The following ELMOD2 variants were observed in gnomAD, a reference collection of about 807,000 sequenced individuals.
The protein encoded by ELMOD2 is ELMO domain-containing protein 2.
A neutral mutation model predicts 41.0 loss-of-function variants in ELMOD2; 28 were observed. The ratio of observed to expected loss-of-function variants is 0.68; its 90% CI spans 0.51 to 0.94. ELMOD2 has a LOEUF of 0.94. Ranked by LOEUF, ELMOD2 falls within the 40% of genes least tolerant of loss-of-function variation. The probability of loss-of-function intolerance (pLI) is 0.00; values close to 1 mark genes in which losing one functional copy is unlikely to be tolerated. For missense variants in ELMOD2, 333 were observed against 343.1 expected (o/e 0.97, Z 0.23); for synonymous variants, 106 against 107.2 (o/e 0.99, Z 0.07).
At chr4:140,527,382 A>T in intron 2 of ELMOD2, 84 bp from the exon 3 acceptor site, 1 of 1,046,444 alleles carries the variant, frequency 9.6e-7, no homozygotes, top group Non-Finnish European at 1.4e-6. Flanking sequence ...TACTGGTTTG[A>T]TATTTTTACT....
chr4:140,533,492 T>C (rs1015745403), intron 3 of ELMOD2, among the ~76,000 whole-genome samples: 2 of 152,134 alleles, frequency 1.3e-5, no homozygotes, highest in African/African-American at 4.8e-5. Context: ...TCTCTTACCA[T>C]ACATGAAAAC....
At position 140,552,277 on chromosome 4, in the gene ELMOD2, G is replaced by GT. The variant is rs772161763; in HGVS notation, c.*1903dup. 6 of 152,000 alleles carry GT rather than the reference G, an allele frequency of 3.9e-5. No individual in the cohort carries two copies. Among genetic ancestry groups the GT allele is most frequent in the Non-Finnish European group, 8.8e-5 (6 of 67,920 alleles). 9.4% of individuals were successfully genotyped at this position (152,000 alleles called of 1,614,324 possible). ...TAAGTAAAGAAGGGGAAAATTTTAA[G>GT]TAAGTTTTTTCCCTTCTAGGAAGAA... is the stretch of plus-strand genomic sequence containing the variant. On this transcript the variant is annotated 3_prime_UTR_variant, in exon 9 of 9. Transcript: ENST00000323570.
At chr4:140,540,542 C>G (rs1735073065) in intron 6 of ELMOD2, among the ~76,000 whole-genome samples, 1 of 152,032 alleles carries the variant, frequency 6.6e-6, no homozygotes, top group Non-Finnish European at 1.5e-5. Context: ...TCACTTGAAG[C>G]CAGAAGTTTG....
intron 8 of ELMOD2, among the ~76,000 whole-genome samples, chr4:140,547,092 C>T (rs1203945633): frequency 6.6e-6 from 1 of 152,128 alleles, no homozygotes; most frequent in Admixed American, 6.6e-5. Context: ...CCTGTTCTAA[C>T]TAGAATAATA....
intron 3 of ELMOD2, among the ~76,000 whole-genome samples, chr4:140,530,657 A>G (rs1282789985): frequency 3.3e-5 from 5 of 152,176 alleles, no homozygotes; most frequent in African/African-American, 4.8e-5. Context: ...TGGTCAACAA[A>G]TGGGTAAATA....
chr4:140,536,268 C>G (rs1233150784), intron 4 of ELMOD2, among the ~76,000 whole-genome samples: 1 of 152,198 alleles, frequency 6.6e-6, no homozygotes, highest in East Asian at 1.9e-4. Flanking sequence ...TTGTCCTTCC[C>G]TCTGTAAATT....
Position 140,535,131 on chromosome 4 carries a change from GTTTC to G in ELMOD2, c.172-596_172-593del, listed in dbSNP as rs1203517905. Among the ~76,000 whole-genome samples, 741 of 89,854 alleles carry G rather than the reference GTTTC, an allele frequency of 8.2e-3. 6 individuals carry two copies. The highest frequency in any genetic ancestry group is 0.03 in the Middle Eastern group (5 of 168). 58.9% of individuals were successfully genotyped at this position (89,854 alleles called of 152,430 possible). A position where few individuals can be genotyped will look rare whatever the true frequency, so the allele number is the denominator to read the frequency against. ...CTTTTACTTTTCTCTGGGGAAATCT[GTTTC>G]TTTCTCTCTCTCTCTCTCTCTCTCT... On this transcript the variant is annotated intron_variant, in intron 3 of 8. Coordinates refer to ENST00000323570, the MANE Select transcript of ELMOD2 (RefSeq NM_153702.4).
At chr4:140,528,398 T>C (rs1368528497) in intron 3 of ELMOD2, among the ~76,000 whole-genome samples, 1 of 152,188 alleles carries the variant, frequency 6.6e-6, no homozygotes, top group Non-Finnish European at 1.5e-5. Flanking sequence ...TAGACCATTG[T>C]TTGAAATCCC....
chr4:140,535,469 G>A (rs1324974431), intron 3 of ELMOD2: 2 of 318,518 alleles, frequency 6.3e-6, no homozygotes, highest in African/African-American at 2.2e-5. Flanking sequence ...CAGCTCATTT[G>A]CTGAGAACTC....
intron 3 of ELMOD2, among the ~76,000 whole-genome samples, chr4:140,532,700 A>G (rs1299624381): frequency 3.9e-5 from 6 of 152,302 alleles, no homozygotes; most frequent in Non-Finnish European, 8.8e-5. Context: ...TGCTCACCAC[A>G]TTTAACTGGG....
intron 2 of ELMOD2, chr4:140,526,808 G>C (rs982413442): frequency 1.3e-5 from 2 of 152,232 alleles, no homozygotes; most frequent in African/African-American, 4.8e-5. Flanking sequence ...GTATGGGTTG[G>C]TGTTTTATAG....
In ELMOD2 at chr4:140,552,373, A is replaced by AT. The variant is rs1484957263; in HGVS notation, c.*2001dup. The AT allele has an allele frequency of 9.9e-5, 15 of 152,152 alleles. No homozygotes were observed. The allele number at this position is 152,152 out of a possible 1,614,324, so 9.4% of individuals were successfully genotyped here. On this transcript the variant is annotated 3_prime_UTR_variant, in exon 9 of 9. Coordinates refer to ENST00000323570, the MANE Select transcript of ELMOD2 (RefSeq NM_153702.4). The stretch of plus-strand genomic sequence containing the variant: ...TAATATGTTCTTTAAATCCACCTCC[A>AT]TTTGTACATTATAGGTATCATTCTG...
rs1237623090 is a variant in ELMOD2, at chr4:140,540,298, T to C, written c.530T>C (p.Leu177Pro). The stretch of plus-strand genomic sequence containing the variant: ...ATGGGCATACTTGGGTTAATCAATC[T>C]TGTGTAAGTGAAAGTAAACTTTCTT... ...RGMGILGLINLVYFSENYTSE... is the reference protein window; with the variant it reads ...RGMGILGLINPVYFSENYTSE... Residue 177 changes from leucine to proline, a missense_variant, in exon 6 of 9, where the codon CTT becomes CCT. Leu to Pro is a moderately conservative substitution (Grantham distance 98). Coordinates refer to ENST00000323570, the MANE Select transcript of ELMOD2 (RefSeq NM_153702.4). The C allele has an allele frequency of 6.2e-7, 1 of 1,612,796 alleles. No individual in the cohort carries two copies. The highest frequency in any genetic ancestry group is 1.3e-5 in the African/African-American group (1 of 74,848).
chr4:140,531,915 C>T (rs1432794916), intron 3 of ELMOD2, among the ~76,000 whole-genome samples: 1 of 152,112 alleles, frequency 6.6e-6, no homozygotes, highest in Non-Finnish European at 1.5e-5. Flanking sequence ...CTTGGCTTCA[C>T]TAGTGAAGTG....
chr4:140,553,107 C>T lies in ELMOD2; in HGVS notation c.*2732C>T, dbSNP rs1216388400. The T allele has an allele frequency of 6.6e-6, 1 of 151,982 alleles. No homozygotes were observed. The highest frequency in any genetic ancestry group is 1.9e-4 in the East Asian group (1 of 5,200). 9.4% of individuals were successfully genotyped at this position (151,982 alleles called of 1,614,324 possible). ...ATATATGTACTCTTCACTTTTGTTC[C>T]AGTACTATAATTGCTCATGCACTCT... On this transcript the variant is annotated 3_prime_UTR_variant, in exon 9 of 9. Coordinates refer to ENST00000323570, the MANE Select transcript of ELMOD2 (RefSeq NM_153702.4).
At chr4:140,527,226 C>T (rs1734592295) in intron 2 of ELMOD2, among the ~76,000 whole-genome samples, 1 of 152,084 alleles carries the variant, frequency 6.6e-6, no homozygotes, top group Non-Finnish European at 1.5e-5. Context: ...ACATATGACC[C>T]CAGGTAATGA....
chr4:140,552,207 A>G lies in ELMOD2; in HGVS notation c.*1832A>G, dbSNP rs1350586480. On this transcript the variant is annotated 3_prime_UTR_variant, in exon 9 of 9. Transcript: ENST00000323570. ...GTGTTTTGATCTTCCAACAGCTGAG[A>G]GCTTGAACTGATTTAAACATTTGTC... The G allele has an allele frequency of 6.6e-6, 1 of 152,012 alleles. No homozygotes were observed. Among genetic ancestry groups the G allele is most frequent in the Admixed American group, 6.6e-5 (1 of 15,254 alleles). The allele number at this position is 152,012 out of a possible 1,614,324, so 9.4% of individuals were successfully genotyped here. A position where few individuals can be genotyped will look rare whatever the true frequency, so the allele number is the denominator to read the frequency against.
Position 140,550,392 on chromosome 4 carries a change from T to A in ELMOD2, c.*17T>A. 6.3e-7 allele frequency: 1 copy of A among 1,577,814 alleles called. No homozygotes were observed. Among genetic ancestry groups the A allele is most frequent in the African/African-American group, 1.4e-5 (1 of 73,252 alleles). ...AAAGTATAAATCATCCACTGTATCT[T>A]CTATTTCTACCACATTTTGCACATT... is the stretch of plus-strand genomic sequence containing the variant. On this transcript the variant is annotated 3_prime_UTR_variant, in exon 9 of 9. Transcript: ENST00000323570.
chr4:140,537,738 A>G (rs1475878756), intron 5 of ELMOD2, among the ~76,000 whole-genome samples, 197 bp downstream of exon 5: 1 of 150,998 alleles, frequency 6.6e-6, no homozygotes, highest in Non-Finnish European at 1.5e-5. Context: ...ATTTTCTGAT[A>G]AGCATTATTA....
Sources: allele counts gnomAD v4.1 joint callset (sites outside exome capture counted in the v4.1 genomes callset), GRCh38; gene constraint gnomAD v4.1.1; transcripts MANE v1.5; gene names NCBI Gene and HGNC (gene_info 2026-07-23, HGNC 2026-07-21).